The following KDM7A variants were observed in gnomAD, a reference collection of about 807,000 sequenced individuals.
KDM7A encodes the protein lysine-specific demethylase 7A.
A neutral mutation model predicts 114.8 loss-of-function variants in KDM7A; 28 were observed. That is an observed-to-expected ratio of 0.24 (90% CI 0.18 to 0.33). KDM7A has a LOEUF of 0.33. Ranked by LOEUF, KDM7A falls within the 10% of genes least tolerant of loss-of-function variation. KDM7A has a pLI of 1.00. For synonymous variants in KDM7A, 423 were observed against 397.8 expected (o/e 1.06, Z -0.75); for missense variants, 942 against 1,142.5 (o/e 0.82, Z 2.53).
At chr7:140,148,184 G>C (rs1468328181) in intron 1 of KDM7A, among the ~76,000 whole-genome samples, 1 of 147,838 alleles carries the variant, frequency 6.8e-6, no homozygotes, top group Non-Finnish European at 1.5e-5. Flanking sequence ...GGTCTCTTCA[G>C]AGCACACACC....
intron 1 of KDM7A, among the ~76,000 whole-genome samples, chr7:140,141,139 T>C (rs543745832): frequency 7.9e-5 from 12 of 152,152 alleles, no homozygotes; most frequent in Admixed American, 3.3e-4. Context: ...TGAGAGACTT[T>C]AAAGAAAACC....
chr7:140,140,001 C>T (rs1369519115), intron 1 of KDM7A, among the ~76,000 whole-genome samples: 1 of 152,064 alleles, frequency 6.6e-6, no homozygotes, highest in East Asian at 1.9e-4. Flanking sequence ...AAAAATTGAC[C>T]CACAAACAAG....
At position 140,113,547 on chromosome 7, in the gene KDM7A, G is replaced by T. The variant is rs759488860; in HGVS notation, c.1282C>A (p.Leu428Ile). ...REDGFQPQTY[L>I]VQGVKALHTA... ...TGCAGTGCTTTCACTCCCTGTACTAGGTAAGTTTGAGGCTGGAAACCATCT... is the reference window on the plus strand; with the variant it reads ...TGCAGTGCTTTCACTCCCTGTACTATGTAAGTTTGAGGCTGGAAACCATCT... The change falls in exon 10 of 20, where the codon CTA (leucine) becomes ATA (isoleucine). Residue 428 changes from leucine to isoleucine, a missense_variant. Around this residue, in one of 4 missense-constraint regions of KDM7A, gnomAD observed 318 missense variants for 453.1 expected, o/e 0.70. Coordinates refer to ENST00000397560, the MANE Select transcript of KDM7A (RefSeq NM_030647.2). 3.7e-6 allele frequency: 6 copies of T among 1,605,884 alleles called. No individual in the cohort carries two copies. The highest frequency in any genetic ancestry group is 1.7e-4 in the Middle Eastern group (1 of 6,060).
intron 8 of KDM7A, among the ~76,000 whole-genome samples, chr7:140,119,783 A>C (rs566668086): frequency 6.6e-6 from 1 of 152,340 alleles, no homozygotes; most frequent in East Asian, 1.9e-4. Context: ...CGCCACACAC[A>C]GATGCATAGC....
intron 11 of KDM7A, among the ~76,000 whole-genome samples, chr7:140,110,696 A>T (rs1193747233): frequency 1.3e-5 from 2 of 152,164 alleles, no homozygotes; most frequent in African/African-American, 4.8e-5. Flanking sequence ...TCTACTGCTT[A>T]TCATCCCTCT....
intron 1 of KDM7A, among the ~76,000 whole-genome samples, chr7:140,173,531 G>T (rs10258779): frequency 0.87 from 131,721 of 152,120 alleles, 57,456 homozygotes; most frequent in African/African-American, 0.96. Flanking sequence ...ATATCAAAAT[G>T]CACTGATTCC....
intron 17 of KDM7A, 90 bp from the exon 18 acceptor site, chr7:140,094,228 G>C: frequency 1.2e-6 from 1 of 830,840 alleles, no homozygotes; most frequent in Non-Finnish European, 2.1e-6. Context: ...AAGCAGGTTG[G>C]GCGTGATGGC....
intron 1 of KDM7A, among the ~76,000 whole-genome samples, chr7:140,169,725 C>G (rs1195261236): frequency 6.6e-6 from 1 of 152,060 alleles, no homozygotes; most frequent in East Asian, 1.9e-4. Flanking sequence ...AGGGTTTCAC[C>G]ATGTTGGTCA....
intron 11 of KDM7A, among the ~76,000 whole-genome samples, chr7:140,104,925 T>C (rs1313705337): frequency 1.3e-5 from 2 of 152,232 alleles, no homozygotes; most frequent in Non-Finnish European, 2.9e-5. Flanking sequence ...TCCATGAGCA[T>C]GGAATGTTCT....
intron 9 of KDM7A, among the ~76,000 whole-genome samples, chr7:140,118,556 C>A (rs1818568546): frequency 6.6e-6 from 1 of 151,334 alleles, no homozygotes; most frequent in Admixed American, 6.6e-5. Context: ...CAGGCATGCA[C>A]CACGATGCCC....
intron 2 of KDM7A, among the ~76,000 whole-genome samples, chr7:140,135,187 T>C (rs568758905): frequency 9.2e-5 from 14 of 151,406 alleles, no homozygotes; most frequent in African/African-American, 3.4e-4. Context: ...TTTTCTACTA[T>C]ATATAGATAC....
At chr7:140,153,845 T>A (rs139410944) in intron 1 of KDM7A, among the ~76,000 whole-genome samples, 1 of 152,340 alleles carries the variant, frequency 6.6e-6, no homozygotes, top group East Asian at 1.9e-4. Flanking sequence ...TCATTTTTTG[T>A]TTCTTTGTTG....
chr7:140,162,192 G>A (rs554452481), intron 1 of KDM7A, among the ~76,000 whole-genome samples: 101 of 152,078 alleles, frequency 6.6e-4, no homozygotes, highest in African/African-American at 2.3e-3. Flanking sequence ...AAATTTCGCC[G>A]GGCATAGTGG....
At chr7:140,130,172 T>A (rs943656042) in intron 3 of KDM7A, among the ~76,000 whole-genome samples, 1 of 152,238 alleles carries the variant, frequency 6.6e-6, no homozygotes, top group East Asian at 1.9e-4. Flanking sequence ...TATTTTAGTA[T>A]GTAAACTACA....
intron 11 of KDM7A, 65 bp from the exon 12 acceptor site, chr7:140,102,225 T>C (rs1287854092): frequency 8.8e-7 from 1 of 1,134,490 alleles, no homozygotes; most frequent in Non-Finnish European, 1.3e-6. Context: ...GACTAAATAA[T>C]CATCCATAAA....
rs1818027857 is a variant in KDM7A, at chr7:140,091,962, T to C, written c.2573A>G (p.Tyr858Cys). The change falls in exon 19 of 20, where the codon TAT (tyrosine) becomes TGT (cysteine). Residue 858 changes from tyrosine (Y) to cysteine (C), a missense_variant. Around this residue, in one of 4 missense-constraint regions of KDM7A, gnomAD observed 512 missense variants for 576.6 expected, o/e 0.89. Coordinates refer to ENST00000397560, the MANE Select transcript of KDM7A (RefSeq NM_030647.2). Reference protein sequence around the residue: ...SSGSSLQNGKYMQNSNLTSGA... With the variant: ...SSGSSLQNGKCMQNSNLTSGA... The stretch of plus-strand genomic sequence containing the variant: ...CGAAGTCAGGTTTGAATTCTGCATA[T>C]ACTTTCCATTCTGAAGGCTTGAGCC... The C allele has an allele frequency of 6.2e-7, 1 of 1,613,974 alleles. No individual in the cohort carries two copies. The highest frequency in any genetic ancestry group is 1.3e-5 in the African/African-American group (1 of 74,910).
At chr7:140,147,383 T>C (rs1177298043) in intron 1 of KDM7A, among the ~76,000 whole-genome samples, 1 of 152,190 alleles carries the variant, frequency 6.6e-6, no homozygotes, top group East Asian at 1.9e-4. Context: ...TAAAGAATTT[T>C]CTTAAAATTC....
chr7:140,163,949 T>C (rs1794547402), intron 1 of KDM7A, among the ~76,000 whole-genome samples: 1 of 152,242 alleles, frequency 6.6e-6, no homozygotes, highest in South Asian at 2.1e-4. Flanking sequence ...TTTATAATTA[T>C]AATGATAAAG....
At chr7:140,147,092 C>T (rs73160852) in intron 1 of KDM7A, among the ~76,000 whole-genome samples, 14,923 of 151,956 alleles carry the variant, frequency 0.098, 963 homozygotes, top group Non-Finnish European at 0.15. Flanking sequence ...TACTTGATCA[C>T]ACCACAGAAA....
Sources: gnomAD v4.1 joint callset for allele counts (sites outside exome capture counted in the v4.1 genomes callset) on GRCh38, gnomAD v4.1.1 for gene constraint, gnomAD v4.1.1 regional missense constraint, MANE v1.5 for transcripts, NCBI Gene and HGNC (gene_info 2026-07-23, HGNC 2026-07-21) for gene names.